Variants in PLXNA2 observed in about 807,000 individuals in gnomAD.
PLXNA2 encodes plexin-A2.
PLXNA2 carries 91 observed loss-of-function variants against 193.5 expected under a neutral mutation model. The observed-to-expected ratio is 0.47, with a 90% CI of 0.40 to 0.56. The LOEUF (loss-of-function observed/expected upper bound fraction) is 0.56. Ranked by LOEUF, PLXNA2 falls within the 20% of genes least tolerant of loss-of-function variation. The pLI, the probability that PLXNA2 is intolerant of heterozygous loss-of-function variation, is 0.00. For synonymous variants in PLXNA2, 997 were observed against 1,027.3 expected (o/e 0.97, Z 0.56); for missense variants, 1,995 against 2,503.2 (o/e 0.80, Z 4.33).
At chr1:208,053,782 T>A (rs886547764) in intron 14 of PLXNA2, among the ~76,000 whole-genome samples, 1 of 152,212 alleles carries the variant, frequency 6.6e-6, no homozygotes, top group African/African-American at 2.4e-5. Flanking sequence ...TGATTCAGTA[T>A]GAATAGAGTG....
intron 1 of PLXNA2, among the ~76,000 whole-genome samples, chr1:208,223,108 T>C (rs1012295265): frequency 1.8e-4 from 28 of 152,226 alleles, no homozygotes; most frequent in Non-Finnish European, 3.2e-4. Flanking sequence ...GGAAGTCACT[T>C]AGCCTCCTTC....
intron 3 of PLXNA2, among the ~76,000 whole-genome samples, chr1:208,151,042 C>G (rs1455560579): frequency 6.6e-6 from 1 of 152,192 alleles, no homozygotes; most frequent in Non-Finnish European, 1.5e-5. Flanking sequence ...GGGAACAAGA[C>G]GAAGCTGCCA....
chr1:208,039,828 C>T (rs1664805682), intron 23 of PLXNA2, 61 bp from the exon 24 acceptor site: 3 of 1,610,804 alleles, frequency 1.9e-6, no homozygotes, highest in Non-Finnish European at 2.5e-6. Flanking sequence ...TACGTTTTCC[C>T]TTTCCTCTCT....
intron 4 of PLXNA2, among the ~76,000 whole-genome samples, chr1:208,128,630 C>T (rs1321792786): frequency 6.6e-6 from 1 of 151,630 alleles, no homozygotes; most frequent in Non-Finnish European, 1.5e-5. Context: ...AGATATTTTC[C>T]TTTGTTTCCT....
At chr1:208,208,880 A>G (rs571411665) in intron 3 of PLXNA2, among the ~76,000 whole-genome samples, 6 of 152,310 alleles carry the variant, frequency 3.9e-5, no homozygotes, top group African/African-American at 1.4e-4. Flanking sequence ...AATTTGCTCA[A>G]CTGGATATGG....
intron 1 of PLXNA2, among the ~76,000 whole-genome samples, chr1:208,240,334 C>A (rs774213886): frequency 1.5e-4 from 23 of 152,208 alleles, no homozygotes; most frequent in Non-Finnish European, 2.9e-4. Flanking sequence ...AGCCATCCCT[C>A]CCTCGTGCCT....
At chr1:208,237,462 A>C (rs1332977727) in intron 1 of PLXNA2, among the ~76,000 whole-genome samples, 1 of 152,218 alleles carries the variant, frequency 6.6e-6, no homozygotes, top group African/African-American at 2.4e-5. Context: ...CATAGAATAC[A>C]ACACGAAAAT....
At chr1:208,242,836 G>T (rs1392427554) in intron 1 of PLXNA2, among the ~76,000 whole-genome samples, 3 of 152,146 alleles carry the variant, frequency 2.0e-5, no homozygotes, top group African/African-American at 4.8e-5. Context: ...CCTGTGGGAT[G>T]GATAAAAAGG....
At chr1:208,139,667 A>G (rs969175186) in intron 4 of PLXNA2, among the ~76,000 whole-genome samples, 1 of 152,238 alleles carries the variant, frequency 6.6e-6, no homozygotes, top group South Asian at 2.1e-4. Flanking sequence ...CAAAGCTGTC[A>G]GAGGATTCTA....
At chr1:208,128,375 C>T (rs930303391) in intron 4 of PLXNA2, among the ~76,000 whole-genome samples, 1 of 152,158 alleles carries the variant, frequency 6.6e-6, no homozygotes, top group Non-Finnish European at 1.5e-5. Context: ...AAACACAGGG[C>T]TTAGCTAGAG....
chr1:208,219,230 C>T (rs1671241730), intron 1 of PLXNA2, among the ~76,000 whole-genome samples: 1 of 152,208 alleles, frequency 6.6e-6, no homozygotes, highest in South Asian at 2.1e-4. Context: ...CAAGGTGGGG[C>T]TCCTGAGGAC....
At chr1:208,187,235 A>G (rs1489681083) in intron 3 of PLXNA2, among the ~76,000 whole-genome samples, 1 of 152,034 alleles carries the variant, frequency 6.6e-6, no homozygotes, top group Admixed American at 6.6e-5. Flanking sequence ...GGACCTGGAG[A>G]CCCTTAGAGA....
intron 3 of PLXNA2, among the ~76,000 whole-genome samples, chr1:208,190,431 A>G (rs1447874845): frequency 6.6e-6 from 1 of 152,218 alleles, no homozygotes; most frequent in East Asian, 1.9e-4. Context: ...AAAATATAGT[A>G]CCTATGTTGC....
rs751123015 is a variant in PLXNA2, at chr1:208,033,323, G to C, written c.5051C>G (p.Thr1684Ser). Residue 1684 changes from threonine (T) to serine (S), a missense_variant, in exon 28 of 32, where the codon ACC becomes AGC. Thr to Ser is a moderately conservative substitution (Grantham distance 58). Around this residue, in one of 3 missense-constraint regions of PLXNA2, gnomAD observed 1,291 missense variants for 1,673.6 expected, o/e 0.77. Coordinates refer to ENST00000367033, the MANE Select transcript of PLXNA2 (RefSeq NM_025179.4). ...SEIYLTRLLA[T>S]KGTLQKFVDD... is the part of the protein sequence containing the mutation. ...TCTGGGCAGAGGGGGAGTTACCTTG[G>C]TGGCCAGTAGCCGGGTCAGGTAGAT... 1.1e-5 allele frequency: 18 copies of C among 1,611,940 alleles called. No individual in the cohort carries two copies. Among genetic ancestry groups the C allele is most frequent in the Non-Finnish European group, 1.4e-5 (17 of 1,178,670 alleles).
chr1:208,048,338 T>C (rs891127085), intron 17 of PLXNA2, among the ~76,000 whole-genome samples: 4 of 152,162 alleles, frequency 2.6e-5, no homozygotes, highest in African/African-American at 9.7e-5. Context: ...AGGCAGGGCT[T>C]CAGGGGCAAA....
At chr1:208,077,140 C>G (rs2102377860) in intron 12 of PLXNA2, among the ~76,000 whole-genome samples, 1 of 152,226 alleles carries the variant, frequency 6.6e-6, no homozygotes, top group African/African-American at 2.4e-5. Context: ...GCTCCCTCCC[C>G]CATGTCCTGT....
At chr1:208,210,257 C>T (rs1222742425) in intron 3 of PLXNA2, 23 bp downstream of exon 3, 1 of 1,612,180 alleles carries the variant, frequency 6.2e-7, no homozygotes, top group Non-Finnish European at 8.5e-7. Flanking sequence ...GGCATTGGAG[C>T]ATCTGAACTC....
At chr1:208,191,368 G>A (rs1368210776) in intron 3 of PLXNA2, among the ~76,000 whole-genome samples, 1 of 152,082 alleles carries the variant, frequency 6.6e-6, no homozygotes, top group African/African-American at 2.4e-5. Context: ...TTTATTGAAT[G>A]TCTTTTATAT....
chr1:208,143,759 G>A (rs1248300282), intron 3 of PLXNA2, among the ~76,000 whole-genome samples: 3 of 151,986 alleles, frequency 2.0e-5, no homozygotes, highest in East Asian at 1.9e-4. Flanking sequence ...TTTGTCCTAG[G>A]ATAATCAATT....
Sources: allele counts gnomAD v4.1 joint callset (sites outside exome capture counted in the v4.1 genomes callset), GRCh38; gene constraint gnomAD v4.1.1; regional missense constraint gnomAD v4.1.1; transcripts MANE v1.5; gene names NCBI Gene and HGNC (gene_info 2026-07-23, HGNC 2026-07-21).